MCC: variants seen among roughly 807,000 people sequenced by gnomAD.
The protein encoded by MCC is MCC regulator of Wnt signaling pathway.
MCC carries 90 observed loss-of-function variants against 116.2 expected under a neutral mutation model. That is an observed-to-expected ratio of 0.77 (90% CI 0.65 to 0.92). The LOEUF is 0.92. MCC is among the 40% of genes least tolerant of loss of function. The pLI, the probability that MCC is intolerant of heterozygous loss-of-function variation, is 0.00. For missense variants in MCC, 1,516 were observed against 1,312.2 expected (o/e 1.16, Z -2.40); for synonymous variants, 578 against 510.5 (o/e 1.13, Z -1.78).
In MCC at chr5:113,171,006, G is replaced by T. The variant is rs143144683; in HGVS notation, c.628-19584C>A. 1.8e-3 allele frequency among the ~76,000 whole-genome samples: 278 copies of T among 152,166 alleles called. 2 individuals carry two copies. The highest frequency in any genetic ancestry group is 0.014 in the Middle Eastern group (4 of 294). ...CGTCCCTAAAGCTTTGGCTTCAGTG[G>T]CTCTCCTGAACCATTTCTGTTTGTC... On this transcript the variant is annotated intron_variant, in intron 3 of 18. Coordinates refer to ENST00000408903, the MANE Select transcript of MCC (RefSeq NM_001085377.2).
In MCC at chr5:113,061,668, C is replaced by T. The variant is rs150088211; in HGVS notation, c.2213+2316G>A. Among the ~76,000 whole-genome samples the T allele has an allele frequency of 8.1e-3, 1,240 of 152,296 alleles. 14 individuals are homozygous for T. Among genetic ancestry groups the T allele is most frequent in the African/African-American group, 0.028 (1,148 of 41,556 alleles). On this transcript the variant is annotated intron_variant, in intron 14 of 18. Coordinates refer to ENST00000408903, the MANE Select transcript of MCC (RefSeq NM_001085377.2). ...TCTCTAAAACCATTAACCCTCCTGT[C>T]GTTAGGAGCTGCCTATGGGCTGCCA...
intron 17 of MCC, among the ~76,000 whole-genome samples, chr5:113,029,439 C>T (rs1419136652): frequency 6.6e-6 from 1 of 151,190 alleles, no homozygotes; most frequent in Non-Finnish European, 1.5e-5. Flanking sequence ...TTCAGGTGTC[C>T]TAAGTATCTC....
chr5:113,183,472 C>T (rs1761729213), intron 3 of MCC, among the ~76,000 whole-genome samples: 2 of 152,088 alleles, frequency 1.3e-5, no homozygotes, highest in Non-Finnish European at 2.9e-5. Context: ...GGTATTATGG[C>T]CTCTAATGGA....
chr5:113,117,809 T>C (rs986347121), intron 6 of MCC, among the ~76,000 whole-genome samples: 1 of 152,162 alleles, frequency 6.6e-6, no homozygotes, highest in African/African-American at 2.4e-5. Context: ...AATCATTGGG[T>C]CCAAGAGTGT....
chr5:113,403,538 T>C (rs901510614), intron 1 of MCC, among the ~76,000 whole-genome samples: 5 of 152,206 alleles, frequency 3.3e-5, no homozygotes, highest in Admixed American at 3.3e-4. Context: ...TCACAGATTA[T>C]AAAGCATTCA....
chr5:113,421,936 T>G (rs1770348237), intron 1 of MCC, among the ~76,000 whole-genome samples: 1 of 152,212 alleles, frequency 6.6e-6, no homozygotes, highest in South Asian at 2.1e-4. Flanking sequence ...CTAGTGACAG[T>G]ATAAATAAGA....
At chr5:113,441,523 C>T (rs1771041522) in intron 1 of MCC, among the ~76,000 whole-genome samples, 1 of 152,032 alleles carries the variant, frequency 6.6e-6, no homozygotes, top group Non-Finnish European at 1.5e-5. Context: ...TTTTATTATA[C>T]TCAAGTTCTG....
intron 3 of MCC, among the ~76,000 whole-genome samples, chr5:113,158,685 A>G (rs1760310474): frequency 1.3e-5 from 2 of 152,254 alleles, no homozygotes; most frequent in African/African-American, 4.8e-5. Context: ...CGAGGAAACC[A>G]AGGCACAGAA....
intron 6 of MCC, among the ~76,000 whole-genome samples, chr5:113,109,357 T>C (rs1756941721): frequency 6.6e-6 from 1 of 152,204 alleles, no homozygotes; most frequent in South Asian, 2.1e-4. Context: ...TTCTTTTACA[T>C]GCTACAACAT....
At chr5:113,085,368 A>AGCCAGAT in intron 8 of MCC, 58 bp from the exon 9 acceptor site, 9 of 1,527,232 alleles carry the variant, frequency 5.9e-6, no homozygotes, top group Non-Finnish European at 8.0e-6. Flanking sequence ...AGAGCAAAAC[A>AGCCAGAT]GCCAGATGGG....
At chr5:113,112,859 A>G (rs996811894) in intron 6 of MCC, among the ~76,000 whole-genome samples, 1 of 152,228 alleles carries the variant, frequency 6.6e-6, no homozygotes, top group African/African-American at 2.4e-5. Context: ...GTTTTTGTTA[A>G]TTTACTTGTT....
At chr5:113,070,249 G>A (rs896562834) in intron 12 of MCC, among the ~76,000 whole-genome samples, 9 of 152,160 alleles carry the variant, frequency 5.9e-5, no homozygotes, top group Non-Finnish European at 1.3e-4. Flanking sequence ...CTAAGTGTAC[G>A]ATACAGTCAA....
At chr5:113,078,516 T>C (rs1023794424) in intron 11 of MCC, among the ~76,000 whole-genome samples, 1 of 152,142 alleles carries the variant, frequency 6.6e-6, no homozygotes, top group African/African-American at 2.4e-5. Flanking sequence ...TGCAAATCAA[T>C]AAACGTTAAT....
At chr5:113,427,309 A>T (rs1346896755) in intron 1 of MCC, among the ~76,000 whole-genome samples, 1 of 152,206 alleles carries the variant, frequency 6.6e-6, no homozygotes, top group South Asian at 2.1e-4. Context: ...ACATTTCCCA[A>T]ATGCTTATGT....
chr5:113,088,684 G>A (rs148243685), intron 8 of MCC, among the ~76,000 whole-genome samples: 5 of 152,174 alleles, frequency 3.3e-5, no homozygotes, highest in Admixed American at 6.5e-5. Context: ...TCAGAAGTTC[G>A]AAGAGGCAAG....
At chr5:113,123,086 C>A (rs1309484380) in intron 5 of MCC, among the ~76,000 whole-genome samples, 3 of 152,154 alleles carry the variant, frequency 2.0e-5, no homozygotes, top group African/African-American at 7.2e-5. Flanking sequence ...GAAACTCTTC[C>A]CCTTTAAAGA....
At chr5:113,122,572 A>G (rs1346321030) in intron 6 of MCC, 112 bp downstream of exon 6, 5 of 1,277,408 alleles carry the variant, frequency 3.9e-6, no homozygotes, top group South Asian at 1.5e-5. Flanking sequence ...TCATCCACTC[A>G]GCAAACCCCT....
rs542458953 is a variant in MCC at position 113,478,677 on chromosome 5, A to G, written c.170+9568T>C. ...GGAGACATTGAGGTCAGAGATATGGAAAGAGTAAAGATGGTGGACAAATGA... is the reference window on the plus strand; with the variant it reads ...GGAGACATTGAGGTCAGAGATATGGGAAGAGTAAAGATGGTGGACAAATGA... On this transcript the variant is annotated intron_variant, in intron 1 of 18. Coordinates refer to ENST00000408903, the MANE Select transcript of MCC (RefSeq NM_001085377.2). Among the ~76,000 whole-genome samples the G allele has an allele frequency of 2.0e-5, 3 of 152,304 alleles. No homozygotes were observed. The South Asian group carries it at 6.2e-4, about 32-fold the overall frequency.
intron 3 of MCC, among the ~76,000 whole-genome samples, chr5:113,310,398 G>C (rs892897795): frequency 1.3e-5 from 2 of 152,170 alleles, no homozygotes; most frequent in Non-Finnish European, 2.9e-5. Context: ...CCTTGCTTTT[G>C]AACTTCCCAG....
Sources: gnomAD v4.1 joint callset for allele counts (sites outside exome capture counted in the v4.1 genomes callset) on GRCh38, gnomAD v4.1.1 for gene constraint, MANE v1.5 for transcripts, NCBI Gene and HGNC (gene_info 2026-07-23, HGNC 2026-07-21) for gene names.